The following PRDM10 variants were observed in gnomAD, a reference collection of about 807,000 sequenced individuals.
The protein encoded by PRDM10 is PR/SET domain 10.
In PRDM10, 65 loss-of-function variants were observed where a neutral mutation model predicts 133.1. The ratio of observed to expected loss-of-function variants is 0.49; its 90% confidence interval spans 0.40 to 0.60. PRDM10 has a LOEUF of 0.60. PRDM10 is among the 20% of genes least tolerant of loss of function. The probability of loss-of-function intolerance (pLI) is 0.00; values close to 1 mark genes in which losing one functional copy is unlikely to be tolerated. For synonymous variants in PRDM10, 582 were observed against 580.4 expected, an observed-to-expected ratio of 1.00 and a Z score of -0.04; for missense variants, 1,137 against 1,507.1, an observed-to-expected ratio of 0.75 and a Z score of 4.07.
intron 2 of PRDM10, among the ~76,000 whole-genome samples, chr11:129,958,986 G>A (rs1299753631): frequency 2.6e-5 from 4 of 152,200 alleles, no homozygotes; most frequent in Admixed American, 6.5e-5. Context: ...GATATTGAAG[G>A]TCTGGAAGCA....
At chr11:129,994,642 A>C (rs1938948779) in intron 1 of PRDM10, among the ~76,000 whole-genome samples, 1 of 151,664 alleles carries the variant, frequency 6.6e-6, no homozygotes, top group East Asian at 1.9e-4. Context: ...GTTAACATAA[A>C]ATTTCTTTTT....
chr11:129,924,825 G>A (rs755948006), intron 12 of PRDM10, 57 bp downstream of exon 12: 44 of 1,470,264 alleles, frequency 3.0e-5, no homozygotes, highest in Non-Finnish European at 3.9e-5. Context: ...TCCAAAAATC[G>A]AAGTTTCTTT....
At chr11:129,909,514 A>G (rs1454079438) in intron 19 of PRDM10, among the ~76,000 whole-genome samples, 1 of 152,170 alleles carries the variant, frequency 6.6e-6, no homozygotes, top group African/African-American at 2.4e-5. Context: ...CTGACTCCAT[A>G]GCAAATCTAT....
intron 1 of PRDM10, among the ~76,000 whole-genome samples, chr11:129,967,504 G>A (rs1226548414): frequency 6.6e-6 from 1 of 151,976 alleles, no homozygotes; most frequent in African/African-American, 2.4e-5. Flanking sequence ...CAACATCTTA[G>A]GCTCAATAAA....
In PRDM10 at chr11:129,925,032, C is replaced by T. The variant is rs1212406271; in HGVS notation, c.1728G>A (p.Lys576=). ...AGTAAGTCTTCTGGTCTGAGTGGAG[C>T]TTCATGTGGCTCTCCAAGGATGTGC... The part of the protein sequence containing the change: ...ISSTSLESHM[K]LHSDQKTYSC... Residue 576 remains lysine, a synonymous_variant, in exon 12 of 21, where the codon AAG becomes AAA. Transcript: ENST00000360871. The T allele has an allele frequency of 6.2e-7, 1 of 1,614,164 alleles. No individual in the cohort carries two copies.
At chr11:129,912,903 T>C (rs1345245713) in intron 17 of PRDM10, among the ~76,000 whole-genome samples, 1 of 144,232 alleles carries the variant, frequency 6.9e-6, no homozygotes, top group African/African-American at 2.6e-5. Flanking sequence ...CCACTAAAAA[T>C]ACAAAAATTA....
intron 1 of PRDM10, among the ~76,000 whole-genome samples, chr11:129,978,561 G>A (rs920818502): frequency 4.6e-5 from 7 of 152,190 alleles, no homozygotes; most frequent in Non-Finnish European, 7.3e-5. Context: ...AACACAGGAT[G>A]ACAGAAACAA....
chr11:129,931,789 CG>C (rs1248350773), intron 10 of PRDM10, among the ~76,000 whole-genome samples: 5 of 151,972 alleles, frequency 3.3e-5, no homozygotes, highest in African/African-American at 1.2e-4. Context: ...AGGATGGTCT[CG>C]ATCTCCTGAC....
chr11:130,001,866 A>ACCCCGG (rs1939407235), intron 1 of PRDM10, among the ~76,000 whole-genome samples: 1 of 150,846 alleles, frequency 6.6e-6, no homozygotes, highest in South Asian at 2.1e-4. Context: ...CAGGGCCGCG[A>ACCCCGG]CCCCGGCCTC....
At chr11:129,959,220 T>C (rs186218344) in intron 2 of PRDM10, among the ~76,000 whole-genome samples, 1 of 152,252 alleles carries the variant, frequency 6.6e-6, no homozygotes, top group African/African-American at 2.4e-5. Flanking sequence ...ACCACAGAAA[T>C]ACAACAAACT....
intron 1 of PRDM10, among the ~76,000 whole-genome samples, chr11:129,967,045 A>T (rs1951920820): frequency 6.6e-6 from 1 of 152,192 alleles, no homozygotes; most frequent in Non-Finnish European, 1.5e-5. Context: ...TGTCTAAACG[A>T]ATCTAGAAGA....
intron 13 of PRDM10, among the ~76,000 whole-genome samples, chr11:129,920,842 G>A (rs1013686774): frequency 2.0e-5 from 3 of 152,048 alleles, no homozygotes; most frequent in Non-Finnish European, 4.4e-5. Context: ...CTGTCACCCA[G>A]GCTGGAGTAC....
chr11:129,988,764 G>C (rs1938566854), intron 1 of PRDM10, among the ~76,000 whole-genome samples: 1 of 152,006 alleles, frequency 6.6e-6, no homozygotes, highest in Admixed American at 6.6e-5. Context: ...CGAGTAGCTG[G>C]AACTACAGGC....
chr11:129,909,616 C>T (rs1950123223), intron 19 of PRDM10, among the ~76,000 whole-genome samples: 1 of 152,178 alleles, frequency 6.6e-6, no homozygotes, highest in African/African-American at 2.4e-5. Context: ...TTTCCCTTCT[C>T]AGCACCTCTT....
chr11:129,918,621 G>T lies in PRDM10; in HGVS notation c.2132C>A (p.Pro711His), dbSNP rs1266899520. 1 of 1,614,212 alleles carries T rather than the reference G, an allele frequency of 6.2e-7. No homozygotes were observed. Among genetic ancestry groups the T allele is most frequent in the African/African-American group, 1.3e-5 (1 of 75,058 alleles). ...GTCGTAGTCTGTGGACGTGATGCGG[G>T]GCTTGAACGTCTTGGAGCGGCTGAT... Reference protein sequence around the residue: ...DRISRSKTFKPRITSTDYDSF... With the variant: ...DRISRSKTFKHRITSTDYDSF... The change falls in exon 14 of 21, where the codon CCC becomes CAC. Residue 711 changes from proline (P) to histidine (H), a missense_variant. Transcript: ENST00000360871. The surrounding 1 kb of genome is among the most constrained non-coding windows in gnomAD (Gnocchi z 5.3).
chr11:129,918,634 T>C lies in PRDM10; in HGVS notation c.2119A>G (p.Lys707Glu). 1 of 1,614,188 alleles carries C rather than the reference T, an allele frequency of 6.2e-7. No individual in the cohort carries two copies. The highest frequency in any genetic ancestry group is 8.5e-7 in the Non-Finnish European group (1 of 1,180,012). ...GACGTGATGCGGGGCTTGAACGTCT[T>C]GGAGCGGCTGATGCGGTCGGCTTTC... ...AKKADRISRS[K>E]TFKPRITSTD... The change falls in exon 14 of 21, where the codon AAG (lysine) becomes GAG (glutamate). Residue 707 changes from lysine to glutamate, a missense_variant. Physicochemically the swap from Lys to Glu is moderately conservative, Grantham distance 56. Around this residue, in one of 6 missense-constraint regions of PRDM10, gnomAD observed 78 missense variants for 96.4 expected, o/e 0.81. Transcript: ENST00000360871. This position sits in a 1 kb window ranked among gnomAD's most constrained non-coding sequence, Gnocchi z 5.3.
intron 17 of PRDM10, 102 bp from the exon 18 acceptor site, chr11:129,912,327 G>A (rs997045584): frequency 2.5e-5 from 32 of 1,255,364 alleles, no homozygotes; most frequent in Non-Finnish European, 3.2e-5. Flanking sequence ...TATCCTGGCC[G>A]GGTGCAGTGG....
intron 19 of PRDM10, 29 bp from the exon 20 acceptor site, chr11:129,905,770 G>C (rs1949997412): frequency 1.3e-6 from 2 of 1,584,398 alleles, no homozygotes; most frequent in Middle Eastern, 1.7e-4. Context: ...TCATAGTTCA[G>C]TGGTCTCAGA....
intron 11 of PRDM10, among the ~76,000 whole-genome samples, chr11:129,930,132 CA>C (rs1453813850): frequency 6.6e-6 from 1 of 152,128 alleles, no homozygotes; most frequent in Non-Finnish European, 1.5e-5. Context: ...AGCCTAGAGG[CA>C]AATAAGAAGA....
Sources: gnomAD v4.1 joint callset for allele counts (sites outside exome capture counted in the v4.1 genomes callset) on GRCh38, gnomAD v4.1.1 for gene constraint, gnomAD v4.1.1 regional missense constraint, Gnocchi (gnomAD v3.1) non-coding constraint, MANE v1.5 for transcripts, NCBI Gene and HGNC (gene_info 2026-07-23, HGNC 2026-07-21) for gene names.